The following GABBR2 variants were observed in gnomAD, a reference collection of about 807,000 sequenced individuals.
The protein encoded by GABBR2 is gamma-aminobutyric acid type B receptor subunit 2, also known as G-protein coupled receptor 51.
GABBR2 carries 23 observed loss-of-function variants against 105.6 expected under a neutral mutation model. The observed-to-expected ratio is 0.22, with a 90% CI of 0.16 to 0.31. The LOEUF (loss-of-function observed/expected upper bound fraction) is 0.31, where lower values mean the gene tolerates loss of function less well. Ranked by LOEUF, GABBR2 falls within the 10% of genes least tolerant of loss-of-function variation. The pLI, the probability that GABBR2 is intolerant of heterozygous loss-of-function variation, is 1.00. For missense variants in GABBR2, 734 were observed against 1,245.5 expected, an observed-to-expected ratio of 0.59 and a Z score of 6.18; for synonymous variants, 478 against 499.7, an observed-to-expected ratio of 0.96 and a Z score of 0.58.
intron 2 of GABBR2, among the ~76,000 whole-genome samples, chr9:98,566,456 A>T (rs146434546): frequency 0.015 from 2,257 of 152,266 alleles, 57 homozygotes; most frequent in African/African-American, 0.051. Flanking sequence ...CGGGCGGATC[A>T]TGAGGTCAGA....
Position 98,306,081 on chromosome 9 carries a change from T to TCAGAGGG in GABBR2, c.2229+33_2229+39dup, listed in dbSNP as rs767646894. On this transcript the variant is annotated intron_variant, in intron 15 of 18. Transcript: ENST00000259455. The surrounding 1 kb of genome is among the most constrained non-coding windows in gnomAD (Gnocchi z 5.4). Reference sequence around the variant, plus strand: ...AGCCAGCAATGCCCCTGTGCTGGAGTCAGAGGGCAGAGGCCAGGTGGTGGG... The same window carrying TCAGAGGG: ...AGCCAGCAATGCCCCTGTGCTGGAGTCAGAGGGCAGAGGGCAGAGGCCAGGTGGTGGG... The TCAGAGGG allele has an allele frequency of 7.2e-7, 1 of 1,382,488 alleles. No individual in the cohort carries two copies. 85.6% of individuals were successfully genotyped at this position (1,382,488 alleles called of 1,614,324 possible). A position where few individuals can be genotyped will look rare whatever the true frequency, so the allele number is the denominator to read the frequency against.
In GABBR2 at chr9:98,657,628, G is replaced by A. The variant is rs141102857; in HGVS notation, c.321+50789C>T. ...GGCCAACTCAGGTAACTCAATGATA[G>A]TGATTCTGATGACAGTGAAATGATA... On this transcript the variant is annotated intron_variant, in intron 1 of 18. Transcript: ENST00000259455. Among the ~76,000 whole-genome samples, 4 of 152,366 alleles carry A rather than the reference G, an allele frequency of 2.6e-5. No individual in the cohort carries two copies. The East Asian group carries it at 5.8e-4, about 22-fold the overall frequency.
At chr9:98,672,265 A>G (rs553133555) in intron 1 of GABBR2, among the ~76,000 whole-genome samples, 1 of 152,144 alleles carries the variant, frequency 6.6e-6, no homozygotes, top group Non-Finnish European at 1.5e-5. Flanking sequence ...GTCTCTGTGA[A>G]TGTGACTACT....
At chr9:98,548,656 G>A (rs1363863859) in intron 2 of GABBR2, among the ~76,000 whole-genome samples, 1 of 119,402 alleles carries the variant, frequency 8.4e-6, no homozygotes, top group African/African-American at 2.7e-5. Context: ...TTAGGTAGAG[G>A]CAATAGCTAT....
chr9:98,616,310 G>A (rs959922704), intron 1 of GABBR2, among the ~76,000 whole-genome samples: 1 of 152,162 alleles, frequency 6.6e-6, no homozygotes, highest in African/African-American at 2.4e-5. Flanking sequence ...CTTGCTGCTG[G>A]CTATCAACCC....
intron 1 of GABBR2, among the ~76,000 whole-genome samples, chr9:98,604,328 C>G (rs1235197479): frequency 6.6e-6 from 1 of 152,222 alleles, no homozygotes; most frequent in Non-Finnish European, 1.5e-5. Flanking sequence ...TTCTGCAGGA[C>G]AGGACATCCA....
At chr9:98,600,731 C>G (rs1018892044) in intron 1 of GABBR2, among the ~76,000 whole-genome samples, 7 of 152,232 alleles carry the variant, frequency 4.6e-5, no homozygotes, top group African/African-American at 1.7e-4. Flanking sequence ...CGTTGCGTGG[C>G]CCCTCACACC....
intron 7 of GABBR2, among the ~76,000 whole-genome samples, chr9:98,417,005 C>T (rs565132873): frequency 1.3e-4 from 20 of 152,316 alleles, no homozygotes; most frequent in African/African-American, 4.1e-4. Flanking sequence ...TGTTCATGTC[C>T]TCTTTGGCAA....
chr9:98,616,359 A>T (rs932913609), intron 1 of GABBR2, among the ~76,000 whole-genome samples: 2 of 152,258 alleles, frequency 1.3e-5, no homozygotes, highest in Non-Finnish European at 1.5e-5. Flanking sequence ...TGTAGTCTGG[A>T]AACCAAAGAT....
chr9:98,652,313 A>T (rs910052289), intron 1 of GABBR2, among the ~76,000 whole-genome samples: 1 of 152,048 alleles, frequency 6.6e-6, no homozygotes, highest in African/African-American at 2.4e-5. Flanking sequence ...CTCAGGTCCA[A>T]CTTGAACTCC....
At chr9:98,638,531 A>G (rs961825520) in intron 1 of GABBR2, among the ~76,000 whole-genome samples, 1 of 152,224 alleles carries the variant, frequency 6.6e-6, no homozygotes, top group Non-Finnish European at 1.5e-5. Flanking sequence ...AAAAGTTGAA[A>G]GAGCCAGTGC....
intron 6 of GABBR2, among the ~76,000 whole-genome samples, chr9:98,472,601 C>T (rs529621436): frequency 3.3e-5 from 5 of 152,188 alleles, no homozygotes; most frequent in African/African-American, 1.2e-4. Context: ...AAGATCACAA[C>T]AGTATGCTGA....
At chr9:98,668,522 A>G (rs762751190) in intron 1 of GABBR2, among the ~76,000 whole-genome samples, 7 of 152,232 alleles carry the variant, frequency 4.6e-5, no homozygotes, top group Non-Finnish European at 1.0e-4. Context: ...TACACATAAC[A>G]TAAAATTGAC....
chr9:98,336,094 T>C (rs1210357146), intron 13 of GABBR2, among the ~76,000 whole-genome samples: 1 of 152,158 alleles, frequency 6.6e-6, no homozygotes, highest in Non-Finnish European at 1.5e-5. Context: ...CATTTAAGGA[T>C]CTGGTGATCA....
intron 2 of GABBR2, among the ~76,000 whole-genome samples, chr9:98,566,876 A>G (rs1001573723): frequency 6.6e-6 from 1 of 151,594 alleles, no homozygotes; most frequent in Non-Finnish European, 1.5e-5. Flanking sequence ...AGAAGATTAC[A>G]TGCCTGCTGG....
rs1326434052 is a variant in GABBR2, at chr9:98,585,779, G to C, written c.322-7707C>G. ...AATTCAAAAATCTGAAATCCAAAAT[G>C]CTCCAAAATCCAAAACTTTTTGAGC... On this transcript the variant is annotated intron_variant, in intron 1 of 18. Transcript: ENST00000259455. Among the ~76,000 whole-genome samples the C allele has an allele frequency of 1.2e-4, 3 of 24,814 alleles. 1 individual carries two copies. The highest frequency in any genetic ancestry group is 4.8e-4 in the African/African-American group (3 of 6,288). 16.3% of individuals were successfully genotyped at this position (24,814 alleles called of 152,430 possible).
chr9:98,488,774 A>ATGCAGGAATCTTTC (rs61322606), intron 4 of GABBR2, among the ~76,000 whole-genome samples: 37,957 of 151,924 alleles, frequency 0.25, 5,042 homozygotes, highest in African/African-American at 0.3. Flanking sequence ...TTGAGAGGCT[A>ATGCAGGAATCTTTC]TGCTGACTGA....
chr9:98,666,823 G>A (rs1176893281), intron 1 of GABBR2, among the ~76,000 whole-genome samples: 1 of 152,220 alleles, frequency 6.6e-6, no homozygotes. Flanking sequence ...GAGACCACCT[G>A]GTTACTTCAG....
At chr9:98,588,794 A>G (rs1829108802) in intron 1 of GABBR2, among the ~76,000 whole-genome samples, 1 of 152,204 alleles carries the variant, frequency 6.6e-6, no homozygotes, top group Admixed American at 6.5e-5. Context: ...GAATATGAAC[A>G]AAGACGATGT....
Sources: gnomAD v4.1 joint callset for allele counts (sites outside exome capture counted in the v4.1 genomes callset) on GRCh38, gnomAD v4.1.1 for gene constraint, Gnocchi (gnomAD v3.1) non-coding constraint, MANE v1.5 for transcripts, NCBI Gene and HGNC (gene_info 2026-07-23, HGNC 2026-07-21) for gene names.